Variants in STK38L observed in about 807,000 individuals in gnomAD.
The protein encoded by STK38L is serine/threonine kinase 38 like.
STK38L carries 28 observed loss-of-function variants against 59.7 expected under a neutral mutation model. That is an observed-to-expected ratio of 0.47 (90% confidence interval 0.35 to 0.64). STK38L has a LOEUF of 0.64. Ranked by LOEUF, STK38L falls within the 30% of genes least tolerant of loss-of-function variation. The pLI, the probability that STK38L is intolerant of heterozygous loss-of-function variation, is 0.01. For synonymous variants in STK38L, 162 were observed against 176.8 expected (o/e 0.92, Z 0.66); for missense variants, 314 against 555.8 (o/e 0.56, Z 4.37).
Position 27,282,008 on chromosome 12 carries a change from C to A in STK38L, c.-11-15702C>A, listed in dbSNP as rs149357280. Among the ~76,000 whole-genome samples, 1,001 of 152,260 alleles carry A rather than the reference C, an allele frequency of 6.6e-3. 8 individuals carry two copies. The highest frequency in any genetic ancestry group is 0.023 in the African/African-American group (959 of 41,560). Reference sequence around the variant, plus strand: ...CCAAGATCACGCCATTGCACTCCAGCCTGGGTGACAGAGGGAGACTGTCTC... The same window carrying A: ...CCAAGATCACGCCATTGCACTCCAGACTGGGTGACAGAGGGAGACTGTCTC... On this transcript the variant is annotated intron_variant, in intron 1 of 13. Transcript: ENST00000389032.
At chr12:27,304,378 T>G (rs905581595) in intron 3 of STK38L, among the ~76,000 whole-genome samples, 2 of 152,074 alleles carry the variant, frequency 1.3e-5, no homozygotes, top group African/African-American at 4.8e-5. Flanking sequence ...CTGTAGCTGT[T>G]CCTTATAGTT....
chr12:27,313,243 C>T lies in STK38L; in HGVS notation c.517+571C>T, dbSNP rs1375654099. 2.9e-4 allele frequency among the ~76,000 whole-genome samples: 26 copies of T among 88,748 alleles called. No individual in the cohort carries two copies. The Admixed American group carries it at 3.1e-3, about 11-fold the overall frequency. The allele number at this position is 88,748 out of a possible 152,430, so 58.2% of individuals were successfully genotyped here. A position where few individuals can be genotyped will look rare whatever the true frequency, so the allele number is the denominator to read the frequency against. ...GGCCTGGGCGAAAACAGCGAGACTA[C>T]GTCTCAAAAAAAAAAAAAAAAAATA... On this transcript the variant is annotated intron_variant, in intron 6 of 13. Transcript: ENST00000389032.
intron 10 of STK38L, 41 bp from the exon 11 acceptor site, chr12:27,317,855 C>A: frequency 1.2e-6 from 2 of 1,609,698 alleles, no homozygotes; most frequent in South Asian, 2.2e-5. Flanking sequence ...CTTCACTGCT[C>A]ACAAAGCTGA....
At chr12:27,249,987 C>T (rs1372094179) in intron 1 of STK38L, among the ~76,000 whole-genome samples, 1 of 152,136 alleles carries the variant, frequency 6.6e-6, no homozygotes, top group Non-Finnish European at 1.5e-5. Flanking sequence ...TAATGTTTAA[C>T]ACCTCAAATC....
Position 27,317,469 on chromosome 12 carries a change from C to A in STK38L, c.955+16C>A. 2.0e-6 allele frequency: 3 copies of A among 1,533,472 alleles called. No individual in the cohort carries two copies. The highest frequency in any genetic ancestry group is 1.2e-5 in the South Asian group (1 of 85,790). The allele number at this position is 1,533,472 out of a possible 1,614,324, so 95.0% of individuals were successfully genotyped here. On this transcript the variant is annotated intron_variant, in intron 10 of 13. Coordinates refer to ENST00000389032, the MANE Select transcript of STK38L (RefSeq NM_015000.4). ...ATGCTAATAGGTATGTTTTATCATT[C>A]ATTTATGTACAAAATATATACATTT...
intron 5 of STK38L, among the ~76,000 whole-genome samples, chr12:27,310,822 C>T (rs1591933267): frequency 6.6e-6 from 1 of 152,168 alleles, no homozygotes; most frequent in Admixed American, 6.5e-5. Context: ...GGGCGGAAAT[C>T]TCTCCGTAGC....
chr12:27,313,982 G>A (rs376102929), intron 6 of STK38L, among the ~76,000 whole-genome samples: 2 of 152,176 alleles, frequency 1.3e-5, no homozygotes, highest in African/African-American at 4.8e-5. Context: ...GCTCTTTTGT[G>A]ATTTGATTTC....
intron 2 of STK38L, among the ~76,000 whole-genome samples, chr12:27,301,549 C>T (rs1944173013): frequency 1.3e-5 from 2 of 152,142 alleles, no homozygotes; most frequent in African/African-American, 2.4e-5. Context: ...CGTGAGCCAC[C>T]GCACCCGGCC....
At chr12:27,255,817 G>C (rs1943079730) in intron 1 of STK38L, among the ~76,000 whole-genome samples, 1 of 152,010 alleles carries the variant, frequency 6.6e-6, no homozygotes, top group South Asian at 2.1e-4. Context: ...ATCTTGCTCA[G>C]GTCCCCGTCC....
intron 1 of STK38L, among the ~76,000 whole-genome samples, chr12:27,281,420 A>AGTT (rs1943655366): frequency 6.6e-6 from 1 of 152,214 alleles, no homozygotes; most frequent in Non-Finnish European, 1.5e-5. Context: ...CTGGTTGTAA[A>AGTT]AAGTAGGCAT....
chr12:27,261,083 G>A (rs1361874694), intron 1 of STK38L, among the ~76,000 whole-genome samples: 2 of 152,078 alleles, frequency 1.3e-5, no homozygotes, highest in East Asian at 3.9e-4. Context: ...ATGGTAAATT[G>A]CTCTCCGGTT....
At chr12:27,294,771 G>T (rs1457846884) in intron 1 of STK38L, among the ~76,000 whole-genome samples, 4 of 150,780 alleles carry the variant, frequency 2.7e-5, no homozygotes, top group Non-Finnish European at 5.9e-5. Flanking sequence ...GCAGTGCAGT[G>T]GTTCAATCGC....
intron 1 of STK38L, among the ~76,000 whole-genome samples, chr12:27,253,395 G>A (rs957751129): frequency 3.3e-5 from 5 of 151,204 alleles, no homozygotes; most frequent in African/African-American, 9.8e-5. Flanking sequence ...TAATAATGAA[G>A]TTCTAAACTA....
intron 9 of STK38L, 60 bp from the exon 10 acceptor site, chr12:27,317,276 C>A (rs1944609063): frequency 2.4e-6 from 3 of 1,239,770 alleles, no homozygotes; most frequent in South Asian, 1.4e-5. Flanking sequence ...AGTAAGCCAT[C>A]CTCAGATAGA....
intron 1 of STK38L, among the ~76,000 whole-genome samples, chr12:27,249,739 G>A (rs551347958): frequency 5.3e-4 from 81 of 152,282 alleles, no homozygotes; most frequent in Non-Finnish European, 9.3e-4. Context: ...CATTTATACA[G>A]AAGGCTTCCT....
intron 1 of STK38L, among the ~76,000 whole-genome samples, chr12:27,279,575 A>G (rs1466715356): frequency 6.6e-6 from 1 of 151,824 alleles, no homozygotes; most frequent in East Asian, 1.9e-4. Flanking sequence ...AAAATACAAA[A>G]ATTAGCCGGG....
In STK38L at chr12:27,322,911, C is replaced by T. The variant is rs1367907024; in HGVS notation, c.*456C>T. On this transcript the variant is annotated 3_prime_UTR_variant, in exon 14 of 14. Transcript: ENST00000389032. ...GGTCTAGATAATCAGTAAAAGCCAT[C>T]TTCCATAGTTGGTGTTAGAACATTG... 1 of 152,706 alleles carries T rather than the reference C, an allele frequency of 6.5e-6. No individual in the cohort carries two copies. Among genetic ancestry groups the T allele is most frequent in the Non-Finnish European group, 1.5e-5 (1 of 68,474 alleles). 9.5% of individuals were successfully genotyped at this position (152,706 alleles called of 1,614,324 possible).
intron 3 of STK38L, 75 bp downstream of exon 3, chr12:27,302,263 A>T: frequency 1.8e-6 from 2 of 1,096,592 alleles, no homozygotes; most frequent in Non-Finnish European, 2.6e-6. Flanking sequence ...CAGGTATTTT[A>T]TAACTTAAAT....
intron 1 of STK38L, among the ~76,000 whole-genome samples, chr12:27,282,464 T>C (rs1003643807): frequency 2.0e-5 from 3 of 152,172 alleles, no homozygotes; most frequent in Admixed American, 6.5e-5. Context: ...AAAGAAATAG[T>C]TACATAAAAT....
Sources: allele counts gnomAD v4.1 joint callset (sites outside exome capture counted in the v4.1 genomes callset), GRCh38; gene constraint gnomAD v4.1.1; transcripts MANE v1.5; gene names NCBI Gene and HGNC (gene_info 2026-07-23, HGNC 2026-07-21).